TMEM150C: variants seen among roughly 807,000 people sequenced by gnomAD.
TMEM150C encodes the protein transmembrane protein 150C, also known as tentonin 3.
Under a neutral mutation model 29.9 loss-of-function variants are expected in TMEM150C, and 10 were observed. The ratio of observed to expected loss-of-function variants is 0.33; its 90% confidence interval spans 0.21 to 0.57. TMEM150C has a LOEUF of 0.57. Among genes scored for constraint, TMEM150C ranks in the 20% least tolerant of loss-of-function variants. The probability of loss-of-function intolerance (pLI) is 0.88; values close to 1 mark genes in which losing one functional copy is unlikely to be tolerated. For synonymous variants in TMEM150C, 101 were observed against 112.5 expected (o/e 0.90, Z 0.64); for missense variants, 251 against 303.6 (o/e 0.83, Z 1.29).
chr4:82,538,260 G>A (rs778433268), intron 1 of TMEM150C, among the ~76,000 whole-genome samples: 3 of 152,084 alleles, frequency 2.0e-5, no homozygotes, highest in Admixed American at 1.3e-4. Flanking sequence ...GTTTCACCAC[G>A]TTGGCTAGGC....
intron 1 of TMEM150C, among the ~76,000 whole-genome samples, chr4:82,559,956 G>A (rs1047626160): frequency 6.6e-6 from 1 of 152,154 alleles, no homozygotes; most frequent in Non-Finnish European, 1.5e-5. Flanking sequence ...GGTCACAGGC[G>A]AGACAAAGCA....
At chr4:82,497,463 G>A (rs899853221) in intron 5 of TMEM150C, among the ~76,000 whole-genome samples, 4 of 152,094 alleles carry the variant, frequency 2.6e-5, no homozygotes, top group African/African-American at 4.8e-5. Flanking sequence ...TGCATTTCTC[G>A]AGTATGTTAA....
intron 1 of TMEM150C, among the ~76,000 whole-genome samples, chr4:82,532,215 T>G (rs1363241827): frequency 6.6e-6 from 1 of 152,268 alleles, no homozygotes; most frequent in Admixed American, 6.5e-5. Flanking sequence ...AGCAAACTTT[T>G]AATCAAAATG....
chr4:82,505,803 G>A (rs1452642460), intron 1 of TMEM150C, among the ~76,000 whole-genome samples: 1 of 152,154 alleles, frequency 6.6e-6, no homozygotes, highest in East Asian at 1.9e-4. Context: ...TCACACAAAT[G>A]AAGTGAAAAC....
intron 1 of TMEM150C, among the ~76,000 whole-genome samples, chr4:82,552,433 C>T (rs1725610259): frequency 6.6e-6 from 1 of 152,074 alleles, no homozygotes. Context: ...GCTAGAGAAA[C>T]CAGGTGGGAA....
In TMEM150C at chr4:82,512,227, G is replaced by A. The variant is rs140188552; in HGVS notation, c.-10-7560C>T. 5.3e-5 allele frequency among the ~76,000 whole-genome samples: 8 copies of A among 152,246 alleles called. No individual in the cohort carries two copies. The East Asian group carries it at 9.6e-4, about 18-fold the overall frequency. On this transcript the variant is annotated intron_variant, in intron 1 of 7. Transcript: ENST00000449862. ...TGCTATAGTGAAAATATGGTACCTA[G>A]TGCTATGGCAGCCATAATGTAACCA...
chr4:82,545,206 A>T (rs927074012), intron 1 of TMEM150C, among the ~76,000 whole-genome samples: 1 of 152,254 alleles, frequency 6.6e-6, no homozygotes, highest in Non-Finnish European at 1.5e-5. Flanking sequence ...CCGTGATCGC[A>T]TAGGCTTCAC....
intron 7 of TMEM150C, among the ~76,000 whole-genome samples, chr4:82,487,559 C>T (rs1264370878): frequency 6.6e-6 from 1 of 152,176 alleles, no homozygotes; most frequent in Non-Finnish European, 1.5e-5. Flanking sequence ...ATGGAGAAAG[C>T]ATATCTCCTT....
chr4:82,523,481 G>C (rs902460537), intron 1 of TMEM150C, among the ~76,000 whole-genome samples: 3 of 152,122 alleles, frequency 2.0e-5, no homozygotes, highest in Admixed American at 1.3e-4. Context: ...ATGTTGCCAG[G>C]AACATGTGAG....
intron 1 of TMEM150C, among the ~76,000 whole-genome samples, chr4:82,506,303 G>C (rs1560485112): frequency 6.6e-6 from 1 of 152,124 alleles, no homozygotes; most frequent in Non-Finnish European, 1.5e-5. Context: ...TCCCAGAACT[G>C]GTCTACCTGA....
chr4:82,511,744 G>C (rs1466328984), intron 1 of TMEM150C, among the ~76,000 whole-genome samples: 1 of 152,158 alleles, frequency 6.6e-6, no homozygotes, highest in Non-Finnish European at 1.5e-5. Context: ...TAGGATTATA[G>C]GCGTGAGCCA....
At chr4:82,498,838 C>T (rs751157970) in intron 5 of TMEM150C, among the ~76,000 whole-genome samples, 1 of 152,134 alleles carries the variant, frequency 6.6e-6, no homozygotes, top group Non-Finnish European at 1.5e-5. Context: ...CTGGTCCCTG[C>T]GTTGCTAGCT....
At chr4:82,547,445 C>T (rs1199320702) in intron 1 of TMEM150C, among the ~76,000 whole-genome samples, 2 of 151,822 alleles carry the variant, frequency 1.3e-5, no homozygotes, top group African/African-American at 4.8e-5. Context: ...AAAAATCAGC[C>T]GGGCATGGTG....
At chr4:82,545,289 C>T (rs1725337527) in intron 1 of TMEM150C, among the ~76,000 whole-genome samples, 1 of 152,132 alleles carries the variant, frequency 6.6e-6, no homozygotes, top group Admixed American at 6.6e-5. Context: ...GAATTAAAAA[C>T]AAAAACCATA....
intron 2 of TMEM150C, among the ~76,000 whole-genome samples, chr4:82,503,636 G>A (rs1723805803): frequency 1.3e-5 from 2 of 152,232 alleles, no homozygotes; most frequent in South Asian, 4.2e-4. Context: ...AGATCACGAG[G>A]TCAGGAGATC....
At chr4:82,529,666 G>T (rs540250439) in intron 1 of TMEM150C, among the ~76,000 whole-genome samples, 1 of 152,264 alleles carries the variant, frequency 6.6e-6, no homozygotes, top group South Asian at 2.1e-4. Flanking sequence ...GAGGTCAAGG[G>T]ATTGGCTAGT....
In TMEM150C at chr4:82,498,751, G is replaced by A. The variant is rs114076210; in HGVS notation, c.236-2556C>T. On this transcript the variant is annotated intron_variant, in intron 5 of 7. Coordinates refer to ENST00000449862, the MANE Select transcript of TMEM150C (RefSeq NM_001080506.3). ...CCAGTCAAAGAGTTTGTTCCTTTAT[G>A]CCCAGGGGAACAGAGTTGTTGGCTG... Among the ~76,000 whole-genome samples, 354 of 152,242 alleles carry A rather than the reference G, an allele frequency of 2.3e-3. 4 individuals carry two copies. The highest frequency in any genetic ancestry group is 7.9e-3 in the African/African-American group (328 of 41,542).
At chr4:82,557,734 C>CT (rs767919077) in intron 1 of TMEM150C, among the ~76,000 whole-genome samples, 9,815 of 131,326 alleles carry the variant, frequency 0.075, 378 homozygotes, top group African/African-American at 0.096. Flanking sequence ...TTTTCTTTTT[C>CT]TTTTTTTTTT....
chr4:82,545,514 A>G (rs368340906), intron 1 of TMEM150C, among the ~76,000 whole-genome samples: 1 of 152,206 alleles, frequency 6.6e-6, no homozygotes, highest in East Asian at 1.9e-4. Context: ...TACCACTCCT[A>G]TTTGACATAG....
Sources: gnomAD v4.1 joint callset for allele counts (sites outside exome capture counted in the v4.1 genomes callset) on GRCh38, gnomAD v4.1.1 for gene constraint, MANE v1.5 for transcripts, NCBI Gene and HGNC (gene_info 2026-07-23, HGNC 2026-07-21) for gene names.